Variants in SPATA13 observed in about 807,000 individuals in gnomAD.
The protein encoded by SPATA13 is spermatogenesis-associated protein 13.
SPATA13 carries 50 observed loss-of-function variants against 104.0 expected under a neutral mutation model. The observed-to-expected ratio is 0.48, with a 90% CI of 0.38 to 0.61. The LOEUF (loss-of-function observed/expected upper bound fraction) is 0.61, where lower values mean the gene tolerates loss of function less well. SPATA13 is among the 20% of genes least tolerant of loss of function. The pLI is 0.00. For synonymous variants in SPATA13, 606 were observed against 667.5 expected (o/e 0.91, Z 1.42); for missense variants, 1,524 against 1,690.6 (o/e 0.90, Z 1.73).
intron 3 of SPATA13, among the ~76,000 whole-genome samples, chr13:24,042,568 T>C (rs9511010): frequency 0.96 from 146,155 of 152,322 alleles, 70,341 homozygotes; most frequent in Non-Finnish European, 1. Flanking sequence ...AGCGCACATC[T>C]ATGCCCGTGC....
At chr13:24,100,660 T>G (rs865891240) in intron 3 of SPATA13, among the ~76,000 whole-genome samples, 2 of 152,194 alleles carry the variant, frequency 1.3e-5, no homozygotes, top group African/African-American at 4.8e-5. Context: ...CAAAACTAAT[T>G]TGAGCAAAGT....
chr13:24,141,384 T>A (rs955565865), intron 3 of SPATA13, among the ~76,000 whole-genome samples: 2 of 152,114 alleles, frequency 1.3e-5, no homozygotes, highest in Non-Finnish European at 2.9e-5. Flanking sequence ...CTAGTGAAGG[T>A]CACTTGTTGA....
intron 4 of SPATA13, among the ~76,000 whole-genome samples, chr13:24,263,729 T>C (rs1874168237): frequency 6.6e-6 from 1 of 152,244 alleles, no homozygotes; most frequent in South Asian, 2.1e-4. Context: ...ATGTTTTCAA[T>C]CTGCAGTTGG....
At chr13:24,176,837 C>A (rs560644849) in intron 1 of SPATA13, among the ~76,000 whole-genome samples, 1 of 152,170 alleles carries the variant, frequency 6.6e-6, no homozygotes, top group African/African-American at 2.4e-5. Flanking sequence ...CACCCAGGCT[C>A]ACTGCAACCT....
chr13:24,151,877 T>C (rs1371246057), intron 3 of SPATA13, among the ~76,000 whole-genome samples: 2 of 152,224 alleles, frequency 1.3e-5, no homozygotes, highest in Non-Finnish European at 2.9e-5. Context: ...CTAAGCAGTA[T>C]AGATGCTTGA....
chr13:24,198,951 C>CTT (rs3067263), intron 1 of SPATA13, among the ~76,000 whole-genome samples: 50,365 of 140,172 alleles, frequency 0.36, 9,995 homozygotes, highest in East Asian at 0.69. Flanking sequence ...ACTATAAAAT[C>CTT]TTTTTTTTTT....
rs1202019104 is a variant in SPATA13, at chr13:24,304,545, T to C, written c.*1772T>C. ...AGGTGTATTCTTCAGTCTGCAGGTG[T>C]GTGGCACCTCCCTTCTCCCCTGCAG... On this transcript the variant is annotated 3_prime_UTR_variant, in exon 13 of 13. Coordinates refer to ENST00000382108, the MANE Select transcript of SPATA13 (RefSeq NM_001166271.3). The C allele has an allele frequency of 6.6e-6, 1 of 152,178 alleles. No individual in the cohort carries two copies. The highest frequency in any genetic ancestry group is 6.5e-5 in the Admixed American group (1 of 15,272). 9.4% of individuals were successfully genotyped at this position (152,178 alleles called of 1,614,324 possible). A position where few individuals can be genotyped will look rare whatever the true frequency, so the allele number is the denominator to read the frequency against.
chr13:24,216,955 G>A (rs1424608261), intron 1 of SPATA13, among the ~76,000 whole-genome samples: 1 of 152,196 alleles, frequency 6.6e-6, no homozygotes, highest in Non-Finnish European at 1.5e-5. Flanking sequence ...GGAGGCTGAG[G>A]TGGGAGGATC....
intron 2 of SPATA13, among the ~76,000 whole-genome samples, chr13:23,986,179 G>A (rs533169306): frequency 3.3e-5 from 5 of 152,166 alleles, no homozygotes; most frequent in African/African-American, 9.7e-5. Flanking sequence ...ATTTCGGCTC[G>A]CCCAGGGACC....
rs1593368352 is a variant in SPATA13 at position 24,160,815 on chromosome 13, C to G, written c.-229C>G. The G allele has an allele frequency of 3.9e-5, 38 of 985,504 alleles. No homozygotes were observed. The South Asian group carries it at 5.2e-4, about 13-fold the overall frequency. 61.0% of individuals were successfully genotyped at this position (985,504 alleles called of 1,614,324 possible). Reference sequence around the variant, plus strand: ...AGCTCCGAGGGCGCGCACTGGATCCCAGGCTCCTCCGAGAGTGCGGCGACC... The same window carrying G: ...AGCTCCGAGGGCGCGCACTGGATCCGAGGCTCCTCCGAGAGTGCGGCGACC... On this transcript the variant is annotated 5_prime_UTR_variant, in exon 1 of 13. Transcript: ENST00000382108.
chr13:24,047,977 C>A (rs748054544), intron 3 of SPATA13, among the ~76,000 whole-genome samples: 1 of 152,180 alleles, frequency 6.6e-6, no homozygotes, highest in African/African-American at 2.4e-5. Flanking sequence ...CAATGTCTGA[C>A]ATCCCAGGGT....
intron 3 of SPATA13, among the ~76,000 whole-genome samples, chr13:24,056,597 C>A (rs568534464): frequency 6.6e-6 from 1 of 152,112 alleles, no homozygotes; most frequent in Admixed American, 6.5e-5. Flanking sequence ...ACCCACAGAG[C>A]CCAGCACAGT....
At chr13:24,010,623 C>T (rs551972233) in intron 2 of SPATA13, among the ~76,000 whole-genome samples, 49 of 152,136 alleles carry the variant, frequency 3.2e-4, no homozygotes, top group African/African-American at 1.2e-3. Flanking sequence ...GGAAGCTCCT[C>T]CACCTGTGGC....
intron 2 of SPATA13, among the ~76,000 whole-genome samples, chr13:24,008,946 G>A (rs1876348581): frequency 2.6e-5 from 4 of 152,230 alleles, no homozygotes; most frequent in Non-Finnish European, 5.9e-5. Flanking sequence ...GGTGGGGGCT[G>A]CTCTTGCCAA....
In SPATA13 at chr13:24,149,204, A is replaced by G. The variant is rs117349345; in HGVS notation, c.-111-73615A>G. ...CTGATCACTGCAGTGTGTTCCAGTGATGGGCTTTATCTCATTAGTGAGTCC... is the reference window on the plus strand; with the variant it reads ...CTGATCACTGCAGTGTGTTCCAGTGGTGGGCTTTATCTCATTAGTGAGTCC... On this transcript the variant is annotated intron_variant, in intron 3 of 14. Coordinates refer to the SPATA13 transcript ENST00000424834. Among the ~76,000 whole-genome samples the G allele has an allele frequency of 3.9e-4, 59 of 152,314 alleles. 1 individual carries two copies. In the East Asian group the frequency reaches 0.01, roughly 26 times the overall value.
Position 24,284,288 on chromosome 13 carries a change from C to T in SPATA13, c.2301+17C>T, listed in dbSNP as rs200145805. ...ATCAATGAGGTACTGGAATTCCACACGACAGTAGTGGATACGGGATACCTG... is the reference window on the plus strand; with the variant it reads ...ATCAATGAGGTACTGGAATTCCACATGACAGTAGTGGATACGGGATACCTG... On this transcript the variant is annotated intron_variant, in intron 5 of 12. Transcript: ENST00000382108. The T allele has an allele frequency of 2.5e-4, 409 of 1,610,388 alleles. 3 individuals carry two copies. The African/African-American group carries it at 3.8e-3, about 15-fold the overall frequency.
chr13:24,219,841 C>T (rs1177154488), intron 1 of SPATA13, among the ~76,000 whole-genome samples: 1 of 152,136 alleles, frequency 6.6e-6, no homozygotes, highest in Non-Finnish European at 1.5e-5. Flanking sequence ...ACTAATTTAT[C>T]GCACTGAGCT....
At chr13:24,190,620 A>C (rs1206573207) in intron 1 of SPATA13, among the ~76,000 whole-genome samples, 1 of 151,806 alleles carries the variant, frequency 6.6e-6, no homozygotes, top group Non-Finnish European at 1.5e-5. Context: ...GGAAACAGCA[A>C]GAGAACTGGA....
Position 24,306,325 on chromosome 13 carries a change from A to G in SPATA13, c.*3552A>G, listed in dbSNP as rs1566210365. On this transcript the variant is annotated 3_prime_UTR_variant, in exon 13 of 13. Coordinates refer to ENST00000382108, the MANE Select transcript of SPATA13 (RefSeq NM_001166271.3). Reference sequence around the variant, plus strand: ...TTCATGCAGATCAACTTGGTGTCCCAGTCAGAATAGAACAGCATAATTACC... The same window carrying G: ...TTCATGCAGATCAACTTGGTGTCCCGGTCAGAATAGAACAGCATAATTACC... 6.6e-6 allele frequency: 1 copy of G among 152,370 alleles called. No homozygotes were observed. Among genetic ancestry groups the G allele is most frequent in the East Asian group, 1.9e-4 (1 of 5,186 alleles). The allele number at this position is 152,370 out of a possible 1,614,324, so 9.4% of individuals were successfully genotyped here.
Sources: allele counts gnomAD v4.1 joint callset (sites outside exome capture counted in the v4.1 genomes callset), GRCh38; gene constraint gnomAD v4.1.1; transcripts MANE v1.5; gene names NCBI Gene and HGNC (gene_info 2026-07-23, HGNC 2026-07-21).